Variants in SAMD4A observed in about 807,000 individuals in gnomAD.
SAMD4A encodes the protein sterile alpha motif domain containing 4A, also known as protein Smaug homolog 1.
Under a neutral mutation model 81.3 loss-of-function variants are expected in SAMD4A, and 33 were observed. That is an observed-to-expected ratio of 0.41 (90% CI 0.31 to 0.54). The LOEUF is 0.54. Among genes scored for constraint, SAMD4A ranks in the 20% least tolerant of loss-of-function variants. The pLI is 0.37. For synonymous variants in SAMD4A, 389 were observed against 382.1 expected, an observed-to-expected ratio of 1.02 and a Z score of -0.21; for missense variants, 854 against 951.1, an observed-to-expected ratio of 0.90 and a Z score of 1.34.
At chr14:54,786,726 C>T (rs2039150873) in intron 12 of SAMD4A, among the ~76,000 whole-genome samples, 1 of 152,202 alleles carries the variant, frequency 6.6e-6, no homozygotes, top group African/African-American at 2.4e-5. Flanking sequence ...CTGCTAAGTA[C>T]CAACATTATC....
chr14:54,741,993 C>G (rs534063504), intron 4 of SAMD4A, among the ~76,000 whole-genome samples: 1 of 152,112 alleles, frequency 6.6e-6, no homozygotes, highest in African/African-American at 2.4e-5. Flanking sequence ...AGCAGAATGA[C>G]CTGCTTAGGT....
rs1053056374 is a variant in SAMD4A, at chr14:54,769,891, C to T, written c.1597-213C>T. Among the ~76,000 whole-genome samples, 7 of 152,142 alleles carry T rather than the reference C, an allele frequency of 4.6e-5. 1 individual carries two copies. The highest frequency in any genetic ancestry group is 2.1e-4 in the South Asian group (1 of 4,828). ...AATGAGGGTTGTCAACAGTTTGATG[C>T]GTGTACCTTATCACGCACCTCCAAT... On this transcript the variant is annotated intron_variant, in intron 8 of 12. Coordinates refer to ENST00000554335, the MANE Select transcript of SAMD4A (RefSeq NM_015589.6).
chr14:54,655,814 T>C (rs1248806780), intron 2 of SAMD4A, among the ~76,000 whole-genome samples: 2 of 152,128 alleles, frequency 1.3e-5, no homozygotes, highest in African/African-American at 4.8e-5. Context: ...ATTCAAGCCT[T>C]GCTTCTTACT....
At chr14:54,565,485 C>G (rs2032902610), upstream of SAMD4A, among the ~76,000 whole-genome samples, 1 of 152,210 alleles carries the variant, frequency 6.6e-6, no homozygotes, top group Non-Finnish European at 1.5e-5. The surrounding 1 kb of genome is among the most constrained non-coding windows in gnomAD (Gnocchi z 5.4). Context: ...TGGACTAGGG[C>G]GGCACGGAAC....
Position 54,737,097 on chromosome 14 carries a change from C to G in SAMD4A, c.789C>G (p.Asn263Lys), listed in dbSNP as rs1566611773. ...VSLTPPMNVP[N>K]QPLGHGWMSH... ...TTACCCCACCCATGAATGTGCCAAACCAGCCTCTAGGACATGGATGGATGT... is the reference window on the plus strand; with the variant it reads ...TTACCCCACCCATGAATGTGCCAAAGCAGCCTCTAGGACATGGATGGATGT... The change falls in exon 4 of 13, where the codon AAC becomes AAG. Residue 263 changes from asparagine (N) to lysine (K), a missense_variant. Transcript: ENST00000554335. 1.2e-6 allele frequency: 2 copies of G among 1,614,092 alleles called. No individual in the cohort carries two copies. Among genetic ancestry groups the G allele is most frequent in the Non-Finnish European group, 8.5e-7 (1 of 1,180,014 alleles).
chr14:54,737,266 G>A lies in SAMD4A; in HGVS notation c.958G>A (p.Glu320Lys), dbSNP rs374229787. Residue 320 changes from glutamate (E) to lysine (K), a missense_variant, in exon 4 of 13, where the codon GAA becomes AAA. By Grantham distance (56) the Glu-to-Lys change is moderately conservative. Around this residue, in one of 3 missense-constraint regions of SAMD4A, gnomAD observed 387 missense variants for 405.8 expected, o/e 0.95. Coordinates refer to ENST00000554335, the MANE Select transcript of SAMD4A (RefSeq NM_015589.6). Reference protein sequence around the residue: ...DQTTARNTFQEEGSGMKDVPA... With the variant: ...DQTTARNTFQKEGSGMKDVPA... ...GACCACTGCTCGTAACACATTCCAA[G>A]AAGAAGGTAGTGGGATGAAAGGTGA... 1.1e-5 allele frequency: 17 copies of A among 1,614,122 alleles called. No homozygotes were observed. The highest frequency in any genetic ancestry group is 1.4e-5 in the Non-Finnish European group (16 of 1,180,030).
intron 2 of SAMD4A, among the ~76,000 whole-genome samples, chr14:54,691,399 A>G (rs1455260682): frequency 1.3e-5 from 2 of 152,020 alleles, no homozygotes; most frequent in Non-Finnish European, 2.9e-5. Flanking sequence ...GGTCTACTCA[A>G]TTTCATGGCA....
At chr14:54,616,730 AATT>A (rs1179130110) in intron 2 of SAMD4A, among the ~76,000 whole-genome samples, 3 of 152,238 alleles carry the variant, frequency 2.0e-5, no homozygotes, top group Non-Finnish European at 4.4e-5. Flanking sequence ...ATTTATTAAT[AATT>A]ATTTTGTTTG....
At position 54,737,035 on chromosome 14, in the gene SAMD4A, C is replaced by G; in HGVS notation, c.727C>G (p.Gln243Glu). 1 of 1,613,702 alleles carries G rather than the reference C, an allele frequency of 6.2e-7. No individual in the cohort carries two copies. The change falls in exon 4 of 13, where the codon CAG becomes GAG. Residue 243 changes from glutamine (Q) to glutamate (E), a missense_variant. Gln to Glu is a conservative substitution (Grantham distance 29, BLOSUM62 2). This residue lies in a region of SAMD4A where 387 missense variants were observed against 405.8 expected (regional missense o/e 0.95). Transcript: ENST00000554335. ...GTSTSTILSGQAHHSPLKRSV... is the reference protein window; with the variant it reads ...GTSTSTILSGEAHHSPLKRSV... ...ATTTTTTTTTCCAGTTCTCTCAGGC[C>G]AGGCACACCACAGCCCTTTGAAACG...
chr14:54,752,275 A>T (rs1191830834), intron 6 of SAMD4A, among the ~76,000 whole-genome samples: 1 of 152,218 alleles, frequency 6.6e-6, no homozygotes, highest in Non-Finnish European at 1.5e-5. Context: ...GGACTTAATG[A>T]TGACATGATT....
chr14:54,760,170 G>A lies in SAMD4A; in HGVS notation c.1186G>A (p.Glu396Lys), dbSNP rs1193908632. 6.2e-6 allele frequency: 10 copies of A among 1,612,100 alleles called. No homozygotes were observed. Among genetic ancestry groups the A allele is most frequent in the African/African-American group, 2.7e-5 (2 of 74,702 alleles). Residue 396 changes from glutamate (E) to lysine (K), a missense_variant, in exon 7 of 13, where the codon GAG (glutamate) becomes AAG (lysine). Physicochemically the swap from Glu to Lys is moderately conservative, Grantham distance 56 (BLOSUM62 1). Transcript: ENST00000554335. ...TGCTCTCACCGTCCAGGACATCATC[G>A]AGGGGGGCAGCCTGCGCATCCCGCT... ...LLKSLERDII[E>K]GGSLRIPLQE...
chr14:54,689,224 C>T (rs575075124), intron 2 of SAMD4A, among the ~76,000 whole-genome samples: 25 of 152,232 alleles, frequency 1.6e-4, no homozygotes, highest in South Asian at 1.0e-3. Context: ...TGAGCCACCG[C>T]GCCCGGCCCA....
At chr14:54,734,596 T>G (rs1465335357) in intron 3 of SAMD4A, among the ~76,000 whole-genome samples, 1 of 152,194 alleles carries the variant, frequency 6.6e-6, no homozygotes, top group Non-Finnish European at 1.5e-5. Context: ...TGTAAGTCCA[T>G]TAAGTTAGGT....
chr14:54,608,683 A>C (rs764488203), intron 2 of SAMD4A, among the ~76,000 whole-genome samples: 2 of 152,244 alleles, frequency 1.3e-5, no homozygotes, highest in Non-Finnish European at 2.9e-5. Flanking sequence ...TTGCATTTAC[A>C]CTAGCTGGAG....
At chr14:54,623,677 G>A (rs2034676738) in intron 2 of SAMD4A, among the ~76,000 whole-genome samples, 1 of 152,096 alleles carries the variant, frequency 6.6e-6, no homozygotes, top group South Asian at 2.1e-4. Context: ...GAATTCGAGG[G>A]AAGGATAGGT....
chr14:54,717,964 A>G (rs893682959), intron 3 of SAMD4A, among the ~76,000 whole-genome samples: 4 of 150,636 alleles, frequency 2.7e-5, no homozygotes, highest in African/African-American at 4.9e-5. Flanking sequence ...TTCTTTCCCA[A>G]TTTTCTGTTG....
At chr14:54,729,871 CT>C (rs1322153806) in intron 3 of SAMD4A, among the ~76,000 whole-genome samples, 2 of 152,100 alleles carry the variant, frequency 1.3e-5, no homozygotes, top group Non-Finnish European at 2.9e-5. Context: ...ATGAAATTTA[CT>C]GATTTCTATT....
At chr14:54,655,707 C>A (rs1228569087) in intron 2 of SAMD4A, among the ~76,000 whole-genome samples, 1 of 152,164 alleles carries the variant, frequency 6.6e-6, no homozygotes. Flanking sequence ...CATTGCACTC[C>A]AGCCTGGGCA....
chr14:54,721,523 A>T (rs2037261704), intron 3 of SAMD4A, among the ~76,000 whole-genome samples: 1 of 152,184 alleles, frequency 6.6e-6, no homozygotes, highest in Non-Finnish European at 1.5e-5. Context: ...TCAAGCTCTT[A>T]CTTTTCTTGA....
Sources: allele counts gnomAD v4.1 joint callset (sites outside exome capture counted in the v4.1 genomes callset), GRCh38; gene constraint gnomAD v4.1.1; regional missense constraint gnomAD v4.1.1; non-coding constraint Gnocchi (gnomAD v3.1); transcripts MANE v1.5; gene names NCBI Gene and HGNC (gene_info 2026-07-23, HGNC 2026-07-21).